Variants in PTPRZ1 observed in about 807,000 individuals in gnomAD.
The protein encoded by PTPRZ1 is protein tyrosine phosphatase receptor type Z1.
Under a neutral mutation model 214.1 loss-of-function variants are expected in PTPRZ1, and 82 were observed. The ratio of observed to expected loss-of-function variants is 0.38; its 90% CI spans 0.32 to 0.46. The LOEUF is 0.46. Among genes scored for constraint, PTPRZ1 ranks in the 20% least tolerant of loss-of-function variants. PTPRZ1 has a pLI of 1.00. For synonymous variants in PTPRZ1, 945 were observed against 987.9 expected (o/e 0.96, Z 0.81); for missense variants, 2,603 against 2,748.7 (o/e 0.95, Z 1.19).
chr7:121,905,318 A>G (rs964535332), intron 1 of PTPRZ1, among the ~76,000 whole-genome samples: 3 of 152,056 alleles, frequency 2.0e-5, no homozygotes, highest in Admixed American at 6.6e-5. Flanking sequence ...GTCAACTTTT[A>G]CCCCAGCATC....
chr7:121,951,954 TATTTATTTA>T (rs796317328), intron 2 of PTPRZ1, among the ~76,000 whole-genome samples: 4 of 51,440 alleles, frequency 7.8e-5, no homozygotes, highest in East Asian at 5.2e-4. Flanking sequence ...CGAGTGTATT[TATTTATTTA>T]TTTTTTTTTT....
intron 1 of PTPRZ1, chr7:121,908,286 T>G (rs758468088): frequency 1.3e-4 from 29 of 227,720 alleles, no homozygotes; most frequent in Non-Finnish European, 2.3e-4. Context: ...TCCATATCTT[T>G]CTAGTTCCAC....
At chr7:122,027,631 C>T (rs1799240637) in intron 13 of PTPRZ1, among the ~76,000 whole-genome samples, 1 of 152,070 alleles carries the variant, frequency 6.6e-6, no homozygotes, top group African/African-American at 2.4e-5. Flanking sequence ...AATTAAATGA[C>T]CTACATCAAA....
At chr7:121,883,918 G>C (rs1225918529) in intron 1 of PTPRZ1, among the ~76,000 whole-genome samples, 2 of 152,146 alleles carry the variant, frequency 1.3e-5, no homozygotes, top group African/African-American at 4.8e-5. Flanking sequence ...GAGCCACTGT[G>C]CCTGGCTAGC....
intron 1 of PTPRZ1, among the ~76,000 whole-genome samples, chr7:121,926,089 G>A (rs1795748243): frequency 6.6e-6 from 1 of 152,152 alleles, no homozygotes. Flanking sequence ...CGGATCACGA[G>A]GTCTGGAGTT....
chr7:121,939,201 C>T (rs543607567), intron 2 of PTPRZ1, among the ~76,000 whole-genome samples: 3 of 152,300 alleles, frequency 2.0e-5, no homozygotes, highest in African/African-American at 4.8e-5. Context: ...AAGATAAACA[C>T]TGTGGAGTGA....
At chr7:121,915,134 G>T (rs1795386537) in intron 1 of PTPRZ1, among the ~76,000 whole-genome samples, 1 of 152,108 alleles carries the variant, frequency 6.6e-6, no homozygotes, top group African/African-American at 2.4e-5. Context: ...AGATGAGAAA[G>T]CTGTGTCAGG....
chr7:121,959,017 G>T (rs1270297717), intron 2 of PTPRZ1, among the ~76,000 whole-genome samples: 5 of 152,060 alleles, frequency 3.3e-5, no homozygotes, highest in Non-Finnish European at 4.4e-5. Context: ...TAGAGGCGGG[G>T]TTTCACCATG....
At chr7:121,937,038 C>G (rs556107955) in intron 2 of PTPRZ1, among the ~76,000 whole-genome samples, 3 of 152,172 alleles carry the variant, frequency 2.0e-5, no homozygotes, top group East Asian at 1.9e-4. Flanking sequence ...TCTTGGAGAT[C>G]GTCTGTGGCC....
At chr7:121,921,503 C>A (rs1179836393) in intron 1 of PTPRZ1, among the ~76,000 whole-genome samples, 1 of 151,968 alleles carries the variant, frequency 6.6e-6, no homozygotes, top group Non-Finnish European at 1.5e-5. Flanking sequence ...ATGATTTTAC[C>A]ATTTTGATTA....
intron 1 of PTPRZ1, among the ~76,000 whole-genome samples, chr7:121,911,648 C>G (rs1031425535): frequency 6.6e-6 from 1 of 151,978 alleles, no homozygotes; most frequent in Non-Finnish European, 1.5e-5. Context: ...CTTTTCTTAT[C>G]CTTTCAGAGC....
At chr7:121,874,466 C>T (rs372714130) in intron 1 of PTPRZ1, among the ~76,000 whole-genome samples, 13 of 152,110 alleles carry the variant, frequency 8.5e-5, no homozygotes, top group African/African-American at 3.1e-4. Flanking sequence ...TACGCATTAA[C>T]CTGAAAGTTA....
chr7:121,893,871 G>A (rs1482374327), intron 1 of PTPRZ1, among the ~76,000 whole-genome samples: 1 of 152,000 alleles, frequency 6.6e-6, no homozygotes, highest in Non-Finnish European at 1.5e-5. Context: ...TTTTTCAACT[G>A]AATATAATGA....
intron 8 of PTPRZ1, among the ~76,000 whole-genome samples, chr7:121,991,275 C>T (rs1176494554): frequency 6.6e-6 from 1 of 152,124 alleles, no homozygotes; most frequent in Admixed American, 6.5e-5. Flanking sequence ...TATATATGGA[C>T]AGCCAAGATA....
intron 1 of PTPRZ1, among the ~76,000 whole-genome samples, chr7:121,902,703 C>A (rs1222644639): frequency 6.6e-6 from 1 of 151,874 alleles, no homozygotes; most frequent in East Asian, 1.9e-4. Flanking sequence ...GTTTTTTAAT[C>A]AAATGATTAT....
chr7:122,053,831 T>A (rs1792263775), intron 25 of PTPRZ1, 79 bp from the exon 26 acceptor site: 1 of 1,518,796 alleles, frequency 6.6e-7, no homozygotes, highest in Admixed American at 1.8e-5. Context: ...TGACTTAAGG[T>A]CCATTGATGT....
At position 121,976,278 on chromosome 7, in the gene PTPRZ1, A is replaced by G; in HGVS notation, c.552+10A>G. On this transcript the variant is annotated intron_variant, in intron 5 of 29. Transcript: ENST00000393386. ...ATCCATTTTGTTTGAGGTAATATAT[A>G]TACACTTTACACTAATGTAATTCCT... is the stretch of plus-strand genomic sequence containing the variant. The G allele has an allele frequency of 6.7e-7, 1 of 1,494,002 alleles. No individual in the cohort carries two copies. 92.5% of individuals were successfully genotyped at this position (1,494,002 alleles called of 1,614,324 possible). A position where few individuals can be genotyped will look rare whatever the true frequency, so the allele number is the denominator to read the frequency against.
At chr7:121,981,066 CT>C (rs1344748640) in intron 6 of PTPRZ1, among the ~76,000 whole-genome samples, 7 of 151,586 alleles carry the variant, frequency 4.6e-5, no homozygotes, top group Non-Finnish European at 7.4e-5. Context: ...GGCGTGAACC[CT>C]GGGGGGCGGA....
intron 9 of PTPRZ1, among the ~76,000 whole-genome samples, chr7:121,997,468 C>T (rs369762138): frequency 3.9e-5 from 6 of 151,932 alleles, no homozygotes; most frequent in African/African-American, 1.5e-4. Flanking sequence ...GAAGATAATT[C>T]TATTACTGTT....
Sources: allele counts gnomAD v4.1 joint callset (sites outside exome capture counted in the v4.1 genomes callset), GRCh38; gene constraint gnomAD v4.1.1; transcripts MANE v1.5; gene names NCBI Gene and HGNC (gene_info 2026-07-23, HGNC 2026-07-21).